The following ZFYVE1 variants were observed in gnomAD, a reference collection of about 807,000 sequenced individuals.
ZFYVE1 encodes zinc finger FYVE domain-containing protein 1.
Under a neutral mutation model 74.4 loss-of-function variants are expected in ZFYVE1, and 30 were observed. That is an observed-to-expected ratio of 0.40 (90% confidence interval 0.30 to 0.55). The LOEUF is 0.55. ZFYVE1 is among the 20% of genes least tolerant of loss of function. The probability of loss-of-function intolerance (pLI) is 0.42; values close to 1 mark genes in which losing one functional copy is unlikely to be tolerated. For missense variants in ZFYVE1, 703 were observed against 1,011.6 expected (o/e 0.69, Z 4.14); for synonymous variants, 335 against 385.1 (o/e 0.87, Z 1.52).
rs187411801 is a variant in ZFYVE1, at chr14:72,975,330, C to T, written c.1806+221G>A. 4 of 599,974 alleles carry T rather than the reference C, an allele frequency of 6.7e-6. No individual in the cohort carries two copies. The East Asian group carries it at 1.2e-4, about 18-fold the overall frequency. 37.2% of individuals were successfully genotyped at this position (599,974 alleles called of 1,614,324 possible). On this transcript the variant is annotated intron_variant, in intron 9 of 11. Coordinates refer to ENST00000556143, the MANE Select transcript of ZFYVE1 (RefSeq NM_021260.4). This position sits in a 1 kb window ranked among gnomAD's most constrained non-coding sequence, Gnocchi z 4.1. Reference sequence around the variant, plus strand: ...CGTCACACACAAGGAAACTAAAACTCACCAAACAGAAAATACTTGCAGGAA... The same window carrying T: ...CGTCACACACAAGGAAACTAAAACTTACCAAACAGAAAATACTTGCAGGAA...
Position 72,974,947 on chromosome 14 carries a change from A to G in ZFYVE1, c.1819T>C (p.Cys607Arg). The change falls in exon 10 of 12, where the codon TGT (cysteine) becomes CGT (arginine). Residue 607 changes from cysteine to arginine, a missense_variant. By Grantham distance (180) the Cys-to-Arg change is radical. This residue lies in a region of ZFYVE1 where 492 missense variants were observed against 790.0 expected (regional missense o/e 0.62). Transcript: ENST00000556143. ...PNSQILSCNK[C>R]ATSFKDNDTK... ...TCGTTATCTTTAAAGGACGTCGCAC[A>G]CTTGTTGCAGCTCTGTTCCAAGCCC... is the stretch of plus-strand genomic sequence containing the variant. 1 of 1,610,034 alleles carries G rather than the reference A, an allele frequency of 6.2e-7. No individual in the cohort carries two copies.
intron 10 of ZFYVE1, 36 bp downstream of exon 10, chr14:72,974,743 C>T (rs1371169467): frequency 6.4e-7 from 1 of 1,569,262 alleles, no homozygotes; most frequent in Admixed American, 1.8e-5. Context: ...GGGAGGTTCT[C>T]CCCTCCACCC....
intron 2 of ZFYVE1, among the ~76,000 whole-genome samples, chr14:73,021,283 G>A (rs1278958660): frequency 1.3e-5 from 2 of 152,100 alleles, no homozygotes. Context: ...GGGAGACGGA[G>A]GTTGCAGTGA....
In ZFYVE1 at chr14:72,975,264, TC is replaced by T. The variant is rs1231635322; in HGVS notation, c.1806+286del. 2.0e-6 allele frequency: 1 copy of T among 506,728 alleles called. No homozygotes were observed. Among genetic ancestry groups the T allele is most frequent in the Non-Finnish European group, 3.4e-6 (1 of 290,842 alleles). The allele number at this position is 506,728 out of a possible 1,614,324, so 31.4% of individuals were successfully genotyped here. A position where few individuals can be genotyped will look rare whatever the true frequency, so the allele number is the denominator to read the frequency against. On this transcript the variant is annotated intron_variant, in intron 9 of 11. Transcript: ENST00000556143. The surrounding 1 kb of genome is among the most constrained non-coding windows in gnomAD (Gnocchi z 4.1). ...TCTAAAGACCCCTTTTCCTCCAGAT[TC>T]TTATCTGGGTCCTCACATATCTAAG...
At chr14:72,977,860 T>A (rs555155537) in intron 8 of ZFYVE1, 67 bp downstream of exon 8, 7 of 1,531,724 alleles carry the variant, frequency 4.6e-6, no homozygotes, top group Non-Finnish European at 6.3e-6. Flanking sequence ...AGGTTCCAGT[T>A]TTCTATACAC....
At chr14:73,021,880 C>T (rs907455075) in intron 2 of ZFYVE1, among the ~76,000 whole-genome samples, 14 of 152,066 alleles carry the variant, frequency 9.2e-5, no homozygotes, top group African/African-American at 2.9e-4. Context: ...AACTAAGGAA[C>T]ACATATCAAT....
At chr14:72,989,445 C>T (rs1343474848) in intron 4 of ZFYVE1, among the ~76,000 whole-genome samples, 1 of 152,018 alleles carries the variant, frequency 6.6e-6, no homozygotes, top group African/African-American at 2.4e-5. Flanking sequence ...GTTAGCTCTA[C>T]AGACTGAGGA....
chr14:73,019,757 GCCTGACCAACAAGGTGAAAC>G (rs909207256), intron 2 of ZFYVE1, among the ~76,000 whole-genome samples: 15 of 150,686 alleles, frequency 1.0e-4, no homozygotes, highest in African/African-American at 3.2e-4. Context: ...TTCGAGACCA[GCCTGACCAACAAGGTGAAAC>G]CCCGTCTCTA....
chr14:73,009,620 G>C (rs958355665), intron 2 of ZFYVE1, among the ~76,000 whole-genome samples: 4 of 152,200 alleles, frequency 2.6e-5, no homozygotes, highest in African/African-American at 9.7e-5. Flanking sequence ...GGTGGGCGTG[G>C]TGGCACGTGC....
intron 1 of ZFYVE1, among the ~76,000 whole-genome samples, chr14:73,025,211 C>G (rs995223820): frequency 6.6e-6 from 1 of 151,578 alleles, no homozygotes; most frequent in Non-Finnish European, 1.5e-5. Context: ...TGGGATTACA[C>G]GCGCTAGCCA....
chr14:73,007,920 A>T lies in ZFYVE1; in HGVS notation c.484-9605T>A, dbSNP rs74062632. On this transcript the variant is annotated intron_variant, in intron 2 of 11. Coordinates refer to ENST00000556143, the MANE Select transcript of ZFYVE1 (RefSeq NM_021260.4). ...CACATAAAAACACAATCATTTCTCA[A>T]TCAAATGTTTTCTGAAGACACTGAA... Among the ~76,000 whole-genome samples the T allele has an allele frequency of 6.3e-3, 966 of 152,286 alleles. 14 individuals are homozygous for T. Among genetic ancestry groups the T allele is most frequent in the African/African-American group, 0.022 (912 of 41,558 alleles).
intron 4 of ZFYVE1, among the ~76,000 whole-genome samples, 192 bp from the exon 5 acceptor site, chr14:72,982,087 TC>T (rs940394285): frequency 6.6e-6 from 1 of 152,110 alleles, no homozygotes; most frequent in Non-Finnish European, 1.5e-5. Context: ...ACCAGCCCAT[TC>T]CCCAAGAGGT....
chr14:72,978,560 C>CCA (rs1893237059), intron 6 of ZFYVE1, among the ~76,000 whole-genome samples: 1 of 88,460 alleles, frequency 1.1e-5, no homozygotes. Flanking sequence ...GAGCAAGACT[C>CCA]TGTCTCAAAA....
rs200579014 is a variant in ZFYVE1 at position 72,981,060 on chromosome 14, T to C, written c.1310+729A>G. ...CCATTGCCCGGGAGCTTGACAGAAATGCAGAATCTCAGGTTTCACCCAGAC... is the reference window on the plus strand; with the variant it reads ...CCATTGCCCGGGAGCTTGACAGAAACGCAGAATCTCAGGTTTCACCCAGAC... On this transcript the variant is annotated intron_variant, in intron 5 of 11. Transcript: ENST00000556143. 1.7e-4 allele frequency among the ~76,000 whole-genome samples: 26 copies of C among 152,248 alleles called. No homozygotes were observed. The East Asian group carries it at 1.9e-3, about 11-fold the overall frequency.
rs1167983465 is a variant in ZFYVE1 at position 73,024,282 on chromosome 14, C to A, written c.227G>T (p.Gly76Val). Residue 76 changes from glycine to valine, a missense_variant, in exon 2 of 12, where the codon GGT (glycine) becomes GTT (valine). Coordinates refer to ENST00000556143, the MANE Select transcript of ZFYVE1 (RefSeq NM_021260.4). ...AACACCTGGTAAATGCCCACTGAGA[C>A]CCTTGCAGAGGTCACAGTAAGGGAC... is the stretch of plus-strand genomic sequence containing the variant. ...GHVPYCDLCK[G>V]LSGHLPGVRQ... 3 of 1,614,060 alleles carry A rather than the reference C, an allele frequency of 1.9e-6. No homozygotes were observed. Among genetic ancestry groups the A allele is most frequent in the Non-Finnish European group, 2.5e-6 (3 of 1,180,046 alleles).
At position 72,969,626 on chromosome 14, in the gene ZFYVE1, C is replaced by T; in HGVS notation, c.*1256G>A. ...GACCGCCATATACTTCCCTAAAGCTCAACCCACCCACCAGTTCAGTTAAGA... is the reference window on the plus strand; with the variant it reads ...GACCGCCATATACTTCCCTAAAGCTTAACCCACCCACCAGTTCAGTTAAGA... On this transcript the variant is annotated 3_prime_UTR_variant, in exon 12 of 12. Transcript: ENST00000556143. 1.4e-6 allele frequency: 1 copy of T among 689,820 alleles called. No individual in the cohort carries two copies. The highest frequency in any genetic ancestry group is 2.6e-6 in the Non-Finnish European group (1 of 379,294). The allele number at this position is 689,820 out of a possible 1,614,324, so 42.7% of individuals were successfully genotyped here. A position where few individuals can be genotyped will look rare whatever the true frequency, so the allele number is the denominator to read the frequency against.
chr14:73,006,824 T>G (rs533314465), intron 2 of ZFYVE1, among the ~76,000 whole-genome samples: 33 of 148,448 alleles, frequency 2.2e-4, no homozygotes, highest in Non-Finnish European at 4.5e-4. Flanking sequence ...CAAGCGATTA[T>G]CCTGCCTCAG....
At chr14:73,019,962 A>G (rs1894282685) in intron 2 of ZFYVE1, among the ~76,000 whole-genome samples, 1 of 151,446 alleles carries the variant, frequency 6.6e-6, no homozygotes, top group Non-Finnish European at 1.5e-5. Flanking sequence ...AAAAAAAAGA[A>G]AAAGAAAATT....
At chr14:73,003,344 C>T (rs1351207481) in intron 2 of ZFYVE1, among the ~76,000 whole-genome samples, 1 of 152,124 alleles carries the variant, frequency 6.6e-6, no homozygotes, top group Admixed American at 6.6e-5. Flanking sequence ...AGGTGAACAC[C>T]TTGCTGATTC....
Sources: gnomAD v4.1 joint callset for allele counts (sites outside exome capture counted in the v4.1 genomes callset) on GRCh38, gnomAD v4.1.1 for gene constraint, gnomAD v4.1.1 regional missense constraint, Gnocchi (gnomAD v3.1) non-coding constraint, MANE v1.5 for transcripts, NCBI Gene and HGNC (gene_info 2026-07-23, HGNC 2026-07-21) for gene names.